The following PITPNM3 variants were observed in gnomAD, a reference collection of about 807,000 sequenced individuals.
PITPNM3 encodes membrane-associated phosphatidylinositol transfer protein 3.
A neutral mutation model predicts 102.0 loss-of-function variants in PITPNM3; 26 were observed. That is an observed-to-expected ratio of 0.25 (90% CI 0.19 to 0.35). The LOEUF is 0.35. Ranked by LOEUF, PITPNM3 falls within the 10% of genes least tolerant of loss-of-function variation. The probability of loss-of-function intolerance (pLI) is 1.00; values close to 1 mark genes in which losing one functional copy is unlikely to be tolerated. For missense variants in PITPNM3, 1,083 were observed against 1,346.1 expected, an observed-to-expected ratio of 0.80 and a Z score of 3.06; for synonymous variants, 578 against 558.6, an observed-to-expected ratio of 1.03 and a Z score of -0.49.
rs369576302 is a variant in PITPNM3 at position 6,554,016 on chromosome 17, G to A, written c.22+2369C>T. 1.1e-3 allele frequency among the ~76,000 whole-genome samples: 171 copies of A among 152,206 alleles called. 3 individuals are homozygous for A. The South Asian group carries it at 0.034, about 30-fold the overall frequency. ...GTTGTTTTTGATTCAGTAGGCTTATGAGCATCAAGAAGAGAAGGGAGACCA... is the reference window on the plus strand; with the variant it reads ...GTTGTTTTTGATTCAGTAGGCTTATAAGCATCAAGAAGAGAAGGGAGACCA... On this transcript the variant is annotated intron_variant, in intron 1 of 19. Transcript: ENST00000262483.
At chr17:6,551,844 C>T (rs1036174380) in intron 1 of PITPNM3, among the ~76,000 whole-genome samples, 3 of 152,040 alleles carry the variant, frequency 2.0e-5, no homozygotes, top group African/African-American at 7.2e-5. Context: ...GAGTAAGGGG[C>T]CCAGGAGAAG....
intron 3 of PITPNM3, among the ~76,000 whole-genome samples, chr17:6,516,008 C>T (rs944689689): frequency 6.6e-6 from 1 of 152,166 alleles, no homozygotes; most frequent in African/African-American, 2.4e-5. Flanking sequence ...CAGCGAGACC[C>T]TGTCTCTACA....
intron 10 of PITPNM3, among the ~76,000 whole-genome samples, chr17:6,473,786 G>A (rs1379904676): frequency 6.6e-6 from 1 of 152,092 alleles, no homozygotes; most frequent in Non-Finnish European, 1.5e-5. Flanking sequence ...AGACCAGCCT[G>A]GCCAACATGG....
intron 1 of PITPNM3, among the ~76,000 whole-genome samples, chr17:6,543,390 T>C (rs1164389426): frequency 1.3e-5 from 2 of 152,288 alleles, no homozygotes; most frequent in East Asian, 3.9e-4. Flanking sequence ...AGGCGTCTCC[T>C]ATGTGTGTTC....
intron 2 of PITPNM3, among the ~76,000 whole-genome samples, chr17:6,530,099 C>A (rs985293639): frequency 1.3e-5 from 2 of 152,238 alleles, no homozygotes; most frequent in African/African-American, 4.8e-5. Flanking sequence ...GATGAGGAAC[C>A]TGAGGCTCAG....
chr17:6,524,181 C>A (rs1302150236), intron 3 of PITPNM3, among the ~76,000 whole-genome samples: 1 of 152,198 alleles, frequency 6.6e-6, no homozygotes, highest in Non-Finnish European at 1.5e-5. Context: ...CAGCCGTTCC[C>A]GTGGGCTGGG....
intron 3 of PITPNM3, among the ~76,000 whole-genome samples, chr17:6,510,000 C>A (rs925680974): frequency 2.2e-4 from 33 of 151,976 alleles, no homozygotes; most frequent in African/African-American, 7.3e-4. Flanking sequence ...TCACCCCCAG[C>A]CCAATGCTCC....
intron 10 of PITPNM3, among the ~76,000 whole-genome samples, chr17:6,473,796 G>A (rs1905170077): frequency 6.6e-6 from 1 of 152,166 alleles, no homozygotes; most frequent in East Asian, 1.9e-4. Flanking sequence ...GGCCAACATG[G>A]TGAAACTCCA....
chr17:6,477,989 T>G lies in PITPNM3; in HGVS notation c.886A>C (p.Ile296Leu), dbSNP rs1184160729. The G allele has an allele frequency of 6.2e-7, 1 of 1,613,120 alleles. No individual in the cohort carries two copies. The highest frequency in any genetic ancestry group is 8.5e-7 in the Non-Finnish European group (1 of 1,180,028). ...SPASSSRKGS[I>L]SSTQDTPVAV... ...CCCGGCTGTACCTGGGTGCTGCTGA[T>G]GCTCCCCTTCCGGCTGCTGCTGGCA... The change falls in exon 8 of 20, where the codon ATC (isoleucine) becomes CTC (leucine). Residue 296 changes from isoleucine (I) to leucine (L), a missense_variant. Ile to Leu is a conservative substitution (Grantham distance 5). This residue lies in a region of PITPNM3 where 172 missense variants were observed against 175.6 expected (regional missense o/e 0.98). Transcript: ENST00000262483.
chr17:6,503,651 G>C, intron 3 of PITPNM3, 77 bp from the exon 4 acceptor site: 4 of 1,443,164 alleles, frequency 2.8e-6, no homozygotes, highest in South Asian at 1.2e-5. Context: ...GAGGCTGCTT[G>C]GAGCTGCCTC....
In PITPNM3 at chr17:6,556,391, G is replaced by T. The variant is rs1471395517; in HGVS notation, c.16C>A (p.Arg6Ser). The change falls in exon 1 of 20, where the codon CGT (arginine) becomes AGT (serine). Residue 6 changes from arginine (R) to serine (S), a missense_variant. Coordinates refer to ENST00000262483, the MANE Select transcript of PITPNM3 (RefSeq NM_031220.4). The surrounding 1 kb of genome is among the most constrained non-coding windows in gnomAD (Gnocchi z 5.2). ...TCCCCGCGCCCGCCCTCACCTGCAC[G>T]GCCCGCCTTGGCCATGTCCCGGGCG... MAKAG[R>S]AGGPPPGGGA... 7 of 1,335,580 alleles carry T rather than the reference G, an allele frequency of 5.2e-6. No individual in the cohort carries two copies. Among genetic ancestry groups the T allele is most frequent in the African/African-American group, 1.6e-5 (1 of 60,678 alleles). 82.7% of individuals were successfully genotyped at this position (1,335,580 alleles called of 1,614,324 possible).
At chr17:6,532,495 C>A (rs762154642) in intron 2 of PITPNM3, among the ~76,000 whole-genome samples, 5 of 152,106 alleles carry the variant, frequency 3.3e-5, no homozygotes, top group Non-Finnish European at 7.3e-5. Context: ...CCCTCCTCCC[C>A]CAACTCCCCA....
intron 6 of PITPNM3, chr17:6,479,035 C>T: frequency 2.5e-6 from 1 of 402,676 alleles, no homozygotes; most frequent in Non-Finnish European, 4.5e-6. Context: ...CCCCAAAGGG[C>T]ACCCCAATCA....
Position 6,519,253 on chromosome 17 carries a change from C to T in PITPNM3, c.226+6103G>A, listed in dbSNP as rs1241296291. Among the ~76,000 whole-genome samples, 2 of 56,948 alleles carry T rather than the reference C, an allele frequency of 3.5e-5. 1 individual carries two copies. The highest frequency in any genetic ancestry group is 8.3e-4 in the East Asian group (2 of 2,412). 37.4% of individuals were successfully genotyped at this position (56,948 alleles called of 152,430 possible). A position where few individuals can be genotyped will look rare whatever the true frequency, so the allele number is the denominator to read the frequency against. On this transcript the variant is annotated intron_variant, in intron 3 of 19. Transcript: ENST00000262483. Reference sequence around the variant, plus strand: ...TCGGGAGGCTGAGGCAGGAGAATGGCGTGAACCCGGGAGGCGGAGCTTGCA... The same window carrying T: ...TCGGGAGGCTGAGGCAGGAGAATGGTGTGAACCCGGGAGGCGGAGCTTGCA...
In PITPNM3 at chr17:6,525,581, C is replaced by T. The variant is rs185367310; in HGVS notation, c.119-118G>A. ...CCTATTTCTTCCTTGAGTTGAGGTA[C>T]ACCTCAACTCTTGAAGGTGTCTGTA... On this transcript the variant is annotated intron_variant, in intron 2 of 19. Coordinates refer to ENST00000262483, the MANE Select transcript of PITPNM3 (RefSeq NM_031220.4). 6.3e-5 allele frequency: 48 copies of T among 756,198 alleles called. No individual in the cohort carries two copies. In the African/African-American group the frequency reaches 6.5e-4, roughly 10 times the overall value. 46.8% of individuals were successfully genotyped at this position (756,198 alleles called of 1,614,324 possible).
chr17:6,465,635 A>G (rs1340508157), intron 14 of PITPNM3, among the ~76,000 whole-genome samples: 1 of 152,108 alleles, frequency 6.6e-6, no homozygotes, highest in East Asian at 1.9e-4. Flanking sequence ...CCCTTGCCCA[A>G]TTCCCCAGCC....
Position 6,464,650 on chromosome 17 carries a change from G to A in PITPNM3, c.2007+5C>T, listed in dbSNP as rs1904668465. On this transcript the variant is annotated splice_donor_5th_base_variant and intron_variant, in intron 15 of 19. Coordinates refer to ENST00000262483, the MANE Select transcript of PITPNM3 (RefSeq NM_031220.4). ...GCTGAGGAGGGGAGGCCCAGCCCCA[G>A]GTACCTTCTCTCCAGTCAGAGCCAC... 2.5e-6 allele frequency: 4 copies of A among 1,612,816 alleles called. No individual in the cohort carries two copies. The highest frequency in any genetic ancestry group is 1.7e-6 in the Non-Finnish European group (2 of 1,178,922).
intron 1 of PITPNM3, among the ~76,000 whole-genome samples, chr17:6,555,428 G>C (rs1399376391): frequency 1.3e-5 from 2 of 152,188 alleles, no homozygotes; most frequent in Admixed American, 6.5e-5. Flanking sequence ...ACCAGCCAAC[G>C]TCACGGGTTG....
At chr17:6,510,985 G>A (rs1368861516) in intron 3 of PITPNM3, among the ~76,000 whole-genome samples, 3 of 152,226 alleles carry the variant, frequency 2.0e-5, no homozygotes, top group African/African-American at 7.2e-5. Context: ...GAAGAGGAGG[G>A]GAGGGATGGC....
Sources: gnomAD v4.1 joint callset for allele counts (sites outside exome capture counted in the v4.1 genomes callset) on GRCh38, gnomAD v4.1.1 for gene constraint, gnomAD v4.1.1 regional missense constraint, Gnocchi (gnomAD v3.1) non-coding constraint, MANE v1.5 for transcripts, NCBI Gene and HGNC (gene_info 2026-07-23, HGNC 2026-07-21) for gene names.